The following GRIN2B variants were observed in gnomAD, a reference collection of about 807,000 sequenced individuals.
The protein encoded by GRIN2B is glutamate receptor ionotropic, NMDA 2B.
A neutral mutation model predicts 114.5 loss-of-function variants in GRIN2B; 5 were observed. The ratio of observed to expected loss-of-function variants is 0.04; its 90% CI spans 0.02 to 0.09. GRIN2B has a LOEUF of 0.09. GRIN2B is among the 10% of genes least tolerant of loss of function. The probability of loss-of-function intolerance (pLI) is 1.00; values close to 1 mark genes in which losing one functional copy is unlikely to be tolerated. For synonymous variants in GRIN2B, 787 were observed against 745.1 expected (o/e 1.06, Z -0.92); for missense variants, 1,108 against 1,943.5 (o/e 0.57, Z 8.08).
At chr12:13,813,801 G>T (rs1300296243) in intron 3 of GRIN2B, among the ~76,000 whole-genome samples, 1 of 152,188 alleles carries the variant, frequency 6.6e-6, no homozygotes, top group Non-Finnish European at 1.5e-5. Flanking sequence ...GTCAATAGGG[G>T]TGTGTCCAAT....
At chr12:13,741,040 T>C (rs1056481429) in intron 4 of GRIN2B, among the ~76,000 whole-genome samples, 2 of 152,054 alleles carry the variant, frequency 1.3e-5, no homozygotes, top group African/African-American at 2.4e-5. Flanking sequence ...AACTATTTAT[T>C]TATTTTATTT....
At chr12:13,811,768 C>T (rs768433895) in intron 3 of GRIN2B, among the ~76,000 whole-genome samples, 3 of 152,188 alleles carry the variant, frequency 2.0e-5, no homozygotes, top group Admixed American at 6.5e-5. Context: ...AACTAACATA[C>T]TAGCCTGACT....
At chr12:13,918,610 AC>A (rs1398790055) in intron 2 of GRIN2B, among the ~76,000 whole-genome samples, 1 of 152,140 alleles carries the variant, frequency 6.6e-6, no homozygotes, top group Admixed American at 6.6e-5. Flanking sequence ...GCAGCAACCA[AC>A]CCCAGTTCCC....
chr12:13,588,185 C>T (rs1948957585), intron 10 of GRIN2B, among the ~76,000 whole-genome samples: 2 of 152,146 alleles, frequency 1.3e-5, no homozygotes, highest in Admixed American at 6.5e-5. Flanking sequence ...AGGTAGCCTA[C>T]TTCAAAATTC....
chr12:13,692,502 C>A (rs1227806727), intron 4 of GRIN2B, among the ~76,000 whole-genome samples: 1 of 152,092 alleles, frequency 6.6e-6, no homozygotes, highest in Non-Finnish European at 1.5e-5. Flanking sequence ...TTCCCCACAT[C>A]TGTGTGGGTT....
chr12:13,666,153 G>A (rs1023416132), intron 5 of GRIN2B, among the ~76,000 whole-genome samples: 2 of 152,214 alleles, frequency 1.3e-5, no homozygotes, highest in Middle Eastern at 3.4e-3. Context: ...CTTTCCCCTC[G>A]AGGTCCATCA....
At chr12:13,829,797 C>T (rs1865114198) in intron 3 of GRIN2B, among the ~76,000 whole-genome samples, 2 of 152,156 alleles carry the variant, frequency 1.3e-5, no homozygotes, top group South Asian at 4.1e-4. Flanking sequence ...AGAAAGATGA[C>T]TTTTATCAAA....
At chr12:13,796,119 G>C (rs1864415356) in intron 3 of GRIN2B, among the ~76,000 whole-genome samples, 1 of 151,512 alleles carries the variant, frequency 6.6e-6, no homozygotes, top group Non-Finnish European at 1.5e-5. Context: ...CCAGTGTATG[G>C]TATGCAATAA....
intron 2 of GRIN2B, among the ~76,000 whole-genome samples, chr12:13,954,811 GAAAA>G (rs61525874): frequency 1.6e-4 from 4 of 25,550 alleles, no homozygotes; most frequent in East Asian, 5.5e-4. Context: ...TCCGTCTCAG[GAAAA>G]AAAAAAAAAA....
intron 3 of GRIN2B, among the ~76,000 whole-genome samples, chr12:13,769,788 T>C (rs1319935228): frequency 1.3e-5 from 2 of 152,182 alleles, no homozygotes; most frequent in Non-Finnish European, 2.9e-5. Flanking sequence ...GGGGCTGGTA[T>C]CCCAGATTAT....
intron 5 of GRIN2B, among the ~76,000 whole-genome samples, chr12:13,633,471 C>A (rs374893666): frequency 3.0e-4 from 45 of 152,292 alleles, no homozygotes; most frequent in African/African-American, 1.0e-3. Flanking sequence ...CTGGCCTGTG[C>A]CACTAAGGAT....
chr12:13,909,899 A>T (rs1156662273), intron 2 of GRIN2B, among the ~76,000 whole-genome samples: 1 of 152,200 alleles, frequency 6.6e-6, no homozygotes, highest in Non-Finnish European at 1.5e-5. Flanking sequence ...TTCTAAAGAC[A>T]GGTCATCAGA....
intron 5 of GRIN2B, among the ~76,000 whole-genome samples, chr12:13,619,497 C>T (rs1949490385): frequency 6.6e-6 from 1 of 152,184 alleles, no homozygotes; most frequent in Non-Finnish European, 1.5e-5. Context: ...ATATCATTCT[C>T]ATTTCCCCAA....
At chr12:13,886,404 T>C (rs981169721) in intron 2 of GRIN2B, among the ~76,000 whole-genome samples, 3 of 152,076 alleles carry the variant, frequency 2.0e-5, no homozygotes, top group Non-Finnish European at 4.4e-5. Context: ...GCTCAACCAA[T>C]TAGGAAAATT....
Position 13,863,611 on chromosome 12 carries a change from A to G in GRIN2B, c.411+2187T>C, listed in dbSNP as rs375754023. 9.8e-4 allele frequency among the ~76,000 whole-genome samples: 150 copies of G among 152,344 alleles called. 2 individuals are homozygous for G. The East Asian group carries it at 0.019, about 19-fold the overall frequency. ...TTAAGAGTATTAAATAAGATAGTACATACACAGCACTAAGCGCCTAGCATA... is the reference window on the plus strand; with the variant it reads ...TTAAGAGTATTAAATAAGATAGTACGTACACAGCACTAAGCGCCTAGCATA... On this transcript the variant is annotated intron_variant, in intron 3 of 13. Transcript: ENST00000609686.
intron 2 of GRIN2B, among the ~76,000 whole-genome samples, chr12:13,967,000 G>T (rs1308569502): frequency 6.6e-6 from 1 of 152,212 alleles, no homozygotes; most frequent in Non-Finnish European, 1.5e-5. Context: ...ACTGCAGAAA[G>T]AAAGGTGGAG....
chr12:13,964,556 T>C (rs949379212), intron 2 of GRIN2B, among the ~76,000 whole-genome samples: 5 of 152,218 alleles, frequency 3.3e-5, no homozygotes, highest in Non-Finnish European at 7.3e-5. Context: ...CCTGGACACA[T>C]AGTCCAGAGC....
intron 5 of GRIN2B, among the ~76,000 whole-genome samples, chr12:13,647,459 A>G (rs1204282919): frequency 6.6e-6 from 1 of 152,120 alleles, no homozygotes; most frequent in Admixed American, 6.6e-5. Flanking sequence ...TCTTCTCATT[A>G]ACTTTCATTG....
intron 10 of GRIN2B, among the ~76,000 whole-genome samples, chr12:13,592,827 T>C (rs981965478): frequency 3.3e-5 from 5 of 152,194 alleles, no homozygotes; most frequent in South Asian, 2.1e-4. Context: ...AAAAGGAAGA[T>C]AATTTGAAAA....
Sources: allele counts gnomAD v4.1 joint callset (sites outside exome capture counted in the v4.1 genomes callset), GRCh38; gene constraint gnomAD v4.1.1; transcripts MANE v1.5; gene names NCBI Gene and HGNC (gene_info 2026-07-23, HGNC 2026-07-21).